The following TDRD3 variants were observed in gnomAD, a reference collection of about 807,000 sequenced individuals.
TDRD3 encodes the protein tudor domain containing 3, also known as tudor domain-containing protein 3.
Under a neutral mutation model 86.7 loss-of-function variants are expected in TDRD3, and 45 were observed. That is an observed-to-expected ratio of 0.52 (90% CI 0.41 to 0.67). The LOEUF (loss-of-function observed/expected upper bound fraction) is 0.67, where lower values mean the gene tolerates loss of function less well. Ranked by LOEUF, TDRD3 falls within the 30% of genes least tolerant of loss-of-function variation. The probability of loss-of-function intolerance (pLI) is 0.00; values close to 1 mark genes in which losing one functional copy is unlikely to be tolerated. For missense variants in TDRD3, 814 were observed against 889.0 expected (o/e 0.92, Z 1.07); for synonymous variants, 298 against 301.7 (o/e 0.99, Z 0.13).
chr13:60,521,893 G>A (rs937943697), intron 10 of TDRD3, among the ~76,000 whole-genome samples: 12 of 151,006 alleles, frequency 7.9e-5, no homozygotes, highest in African/African-American at 2.7e-4. Context: ...GTGAAACTCC[G>A]TTTCAAAAAA....
At chr13:60,542,082 C>T (rs550911946) in intron 12 of TDRD3, among the ~76,000 whole-genome samples, 4 of 152,038 alleles carry the variant, frequency 2.6e-5, no homozygotes, top group Admixed American at 6.6e-5. Flanking sequence ...CTGAACGGGG[C>T]TGGAATTGTT....
intron 8 of TDRD3, among the ~76,000 whole-genome samples, chr13:60,498,919 G>T (rs1043772113): frequency 6.6e-6 from 1 of 152,104 alleles, no homozygotes; most frequent in African/African-American, 2.4e-5. Flanking sequence ...TTTAGCTCAG[G>T]TCCAAATTAC....
intron 11 of TDRD3, among the ~76,000 whole-genome samples, chr13:60,529,422 G>C (rs1196612434): frequency 6.6e-6 from 1 of 152,140 alleles, no homozygotes; most frequent in Non-Finnish European, 1.5e-5. Flanking sequence ...TGTCCCGTAA[G>C]ATTTGGTTAA....
At chr13:60,506,161 C>A (rs919888561) in intron 8 of TDRD3, among the ~76,000 whole-genome samples, 3 of 152,030 alleles carry the variant, frequency 2.0e-5, no homozygotes, top group Non-Finnish European at 4.4e-5. Flanking sequence ...AAAGGGAAAC[C>A]CATCAGACTA....
rs866030280 is a variant in TDRD3 at position 60,397,287 on chromosome 13, A to G, written c.-78A>G. ...CTTTTCTTTTCTTTTTTTTTTTTTA[A>G]GGGGGGGGGTCTCAAGTAGGAGGCC... On this transcript the variant is annotated 5_prime_UTR_variant, in exon 1 of 14. Transcript: ENST00000377881. The G allele has an allele frequency of 6.9e-3, 3,928 of 566,062 alleles. No individual in the cohort carries two copies. Among genetic ancestry groups the G allele is most frequent in the South Asian group, 0.013 (368 of 28,198 alleles). 35.1% of individuals were successfully genotyped at this position (566,062 alleles called of 1,614,324 possible). A position where few individuals can be genotyped will look rare whatever the true frequency, so the allele number is the denominator to read the frequency against.
chr13:60,471,050 A>G (rs1165188390), intron 5 of TDRD3, among the ~76,000 whole-genome samples: 2 of 152,206 alleles, frequency 1.3e-5, no homozygotes, highest in South Asian at 2.1e-4. Flanking sequence ...AGTTATGTAT[A>G]GATTCTAGAT....
chr13:60,552,145 G>A lies in TDRD3; in HGVS notation c.2119-15380G>A, dbSNP rs547180645. ...CAGCATTAACTTAAAATTCCAAGTCGAAAGTCTCATCTGAGACAAGGCAAG... is the reference window on the plus strand; with the variant it reads ...CAGCATTAACTTAAAATTCCAAGTCAAAAGTCTCATCTGAGACAAGGCAAG... On this transcript the variant is annotated intron_variant, in intron 12 of 13. Coordinates refer to ENST00000377881, the MANE Select transcript of TDRD3 (RefSeq NM_001146070.2). Among the ~76,000 whole-genome samples, 51 of 152,210 alleles carry A rather than the reference G, an allele frequency of 3.4e-4. 1 individual carries two copies. In the South Asian group the frequency reaches 9.3e-3, roughly 28 times the overall value.
intron 1 of TDRD3, among the ~76,000 whole-genome samples, chr13:60,404,300 T>TG (rs1954177474): frequency 6.6e-6 from 1 of 151,504 alleles, no homozygotes; most frequent in South Asian, 2.1e-4. Context: ...TTGTTGTTGT[T>TG]GGTTTGTTTG....
At chr13:60,545,914 GCTC>G (rs1007417524) in intron 12 of TDRD3, among the ~76,000 whole-genome samples, 5 of 151,706 alleles carry the variant, frequency 3.3e-5, no homozygotes, top group East Asian at 3.9e-4. Context: ...CTTTATCTAA[GCTC>G]CTCCTCCTCA....
chr13:60,469,419 AAC>A (rs754243716), intron 5 of TDRD3, among the ~76,000 whole-genome samples: 3 of 149,470 alleles, frequency 2.0e-5, no homozygotes, highest in Admixed American at 6.7e-5. Context: ...CCTTCTCACC[AAC>A]ACACACACAC....
chr13:60,439,870 A>G lies in TDRD3; in HGVS notation c.126+98A>G, dbSNP rs903328256. ...TTGGGTTATATGATAACAAATATAG[A>G]GAACATCTTTCTTATTTTGTCCATT... On this transcript the variant is annotated intron_variant, in intron 2 of 13. Coordinates refer to ENST00000377881, the MANE Select transcript of TDRD3 (RefSeq NM_001146070.2). The G allele has an allele frequency of 1.0e-5, 7 of 692,418 alleles. No individual in the cohort carries two copies. In the African/African-American group the frequency reaches 1.3e-4, roughly 13 times the overall value. The allele number at this position is 692,418 out of a possible 1,614,324, so 42.9% of individuals were successfully genotyped here.
At chr13:60,518,022 G>T (rs1317875880) in intron 10 of TDRD3, among the ~76,000 whole-genome samples, 1 of 152,190 alleles carries the variant, frequency 6.6e-6, no homozygotes, top group African/African-American at 2.4e-5. Flanking sequence ...ATGTTGTTAG[G>T]ACATTGCAGT....
At chr13:60,540,325 T>G (rs1957782417) in intron 12 of TDRD3, among the ~76,000 whole-genome samples, 1 of 152,178 alleles carries the variant, frequency 6.6e-6, no homozygotes. Context: ...AGGGATTCCA[T>G]GCAGTATCTT....
At chr13:60,568,954 TG>T (rs1385876138) in intron 13 of TDRD3, among the ~76,000 whole-genome samples, 6 of 151,632 alleles carry the variant, frequency 4.0e-5, no homozygotes, top group African/African-American at 1.5e-4. Context: ...CAACCGCAAT[TG>T]TTTTTTTTCC....
intron 7 of TDRD3, among the ~76,000 whole-genome samples, chr13:60,491,743 T>A (rs1300272378): frequency 1.3e-5 from 2 of 151,912 alleles, no homozygotes; most frequent in Admixed American, 1.3e-4. Context: ...TTACCAACAG[T>A]GTGTGGGTTG....
intron 12 of TDRD3, among the ~76,000 whole-genome samples, chr13:60,545,632 T>C (rs1957921834): frequency 6.6e-6 from 1 of 152,068 alleles, no homozygotes; most frequent in African/African-American, 2.4e-5. Context: ...GAAAATAATG[T>C]GGAGAATGTA....
At chr13:60,443,541 T>G (rs1955330902) in intron 2 of TDRD3, among the ~76,000 whole-genome samples, 1 of 151,922 alleles carries the variant, frequency 6.6e-6, no homozygotes, top group Admixed American at 6.6e-5. Context: ...ATTATACAAC[T>G]TATATTCTCA....
At chr13:60,529,253 A>G in intron 11 of TDRD3, 36 bp downstream of exon 11, 1 of 1,519,644 alleles carries the variant, frequency 6.6e-7, no homozygotes, top group Admixed American at 2.2e-5. Context: ...CACTAATATT[A>G]CGAAATGTAA....
intron 12 of TDRD3, 35 bp downstream of exon 12, chr13:60,535,268 T>G: frequency 6.4e-7 from 1 of 1,567,230 alleles, no homozygotes. Flanking sequence ...AGGCATAAAC[T>G]ATTTTGAAGA....
Sources: gnomAD v4.1 joint callset for allele counts (sites outside exome capture counted in the v4.1 genomes callset) on GRCh38, gnomAD v4.1.1 for gene constraint, MANE v1.5 for transcripts, NCBI Gene and HGNC (gene_info 2026-07-23, HGNC 2026-07-21) for gene names.